Variants in CRB1 observed in about 807,000 individuals in gnomAD.
The protein encoded by CRB1 is crumbs cell polarity complex component 1, also known as protein crumbs homolog 1.
In CRB1, 83 loss-of-function variants were observed where a neutral mutation model predicts 120.0. That is an observed-to-expected ratio of 0.69 (90% CI 0.58 to 0.83). The LOEUF is 0.83. Among genes scored for constraint, CRB1 ranks in the 40% least tolerant of loss-of-function variants. The probability of loss-of-function intolerance (pLI) is 0.00; values close to 1 mark genes in which losing one functional copy is unlikely to be tolerated. For synonymous variants in CRB1, 625 were observed against 612.5 expected (o/e 1.02, Z -0.30); for missense variants, 1,699 against 1,687.6 (o/e 1.01, Z -0.12).
upstream of CRB1, among the ~76,000 whole-genome samples, chr1:197,267,801 C>T (rs772476611): frequency 2.6e-5 from 4 of 152,068 alleles, no homozygotes; most frequent in Non-Finnish European, 4.4e-5. Context: ...TCTGGACTTA[C>T]GACAAAATCT....
In CRB1 at chr1:197,287,622, T is replaced by C. The variant is rs1655902257; in HGVS notation, c.70+19140T>C. On this transcript the variant is annotated intron_variant, in intron 1 of 11. Coordinates refer to ENST00000367400, the MANE Select transcript of CRB1 (RefSeq NM_201253.3). Reference sequence around the variant, plus strand: ...GGAGAGAGGCGCTAGGGAAAGAAGATGTTAGAGACAGTAACAAAGCAAAAT... The same window carrying C: ...GGAGAGAGGCGCTAGGGAAAGAAGACGTTAGAGACAGTAACAAAGCAAAAT... Among the ~76,000 whole-genome samples the C allele has an allele frequency of 1.3e-5, 2 of 151,766 alleles. 1 individual carries two copies. The highest frequency in any genetic ancestry group is 4.1e-4 in the South Asian group (2 of 4,820).
intron 11 of CRB1, among the ~76,000 whole-genome samples, chr1:197,456,657 A>G (rs1394625590): frequency 6.6e-6 from 1 of 152,136 alleles, no homozygotes; most frequent in African/African-American, 2.4e-5. Context: ...TTAGAATTTG[A>G]TATAAATTTA....
chr1:197,393,170 T>C, intron 5 of CRB1, among the ~76,000 whole-genome samples: 1 of 152,158 alleles, frequency 6.6e-6, no homozygotes, highest in South Asian at 2.1e-4. Flanking sequence ...TAAAAGCACA[T>C]GCAAAAGAGG....
At chr1:197,448,608 G>A (rs542546285) in intron 11 of CRB1, among the ~76,000 whole-genome samples, 27 of 152,278 alleles carry the variant, frequency 1.8e-4, no homozygotes, top group African/African-American at 6.5e-4. Flanking sequence ...CTTACGTGCT[G>A]TTCCTCCCAC....
intron 5 of CRB1, among the ~76,000 whole-genome samples, chr1:197,373,244 A>C (rs934768446): frequency 2.0e-5 from 3 of 152,184 alleles, no homozygotes; most frequent in Admixed American, 2.0e-4. Flanking sequence ...TTTCCCACTT[A>C]GTCCAGTTAG....
At chr1:197,224,860 AAATT>A in the CRB1 span, among the ~76,000 whole-genome samples, 464 of 152,206 alleles carry the variant, frequency 3.0e-3, 3 homozygotes, top group African/African-American at 0.01. Context: ...GATGAAATGT[AAATT>A]AAATAAGCAT....
chr1:197,371,731 C>T (rs1024244079), intron 5 of CRB1, among the ~76,000 whole-genome samples: 1 of 152,150 alleles, frequency 6.6e-6, no homozygotes, highest in Non-Finnish European at 1.5e-5. Flanking sequence ...TACATGGGCC[C>T]AGATGAGTAC....
At chr1:197,327,091 CAAAAAAAAAAAAAAAAAAAAA>C (rs71131753) in intron 1 of CRB1, among the ~76,000 whole-genome samples, 4 of 25,706 alleles carry the variant, frequency 1.6e-4, no homozygotes, top group Non-Finnish European at 2.1e-4. Context: ...TCTCACACAC[CAAAAAAAAAAAAAAAAAAAAA>C]AAAAAAAAAA....
At chr1:197,253,717 CATTTG>C in the CRB1 span, among the ~76,000 whole-genome samples, 1 of 151,972 alleles carries the variant, frequency 6.6e-6, no homozygotes, top group African/African-American at 2.4e-5. Context: ...AGCAAAGAAT[CATTTG>C]ATAAAGAAAA....
rs761863129 is a variant in CRB1, at chr1:197,428,014, C to T, written c.2676+13C>T. ...CAACAGCTGCAAGGTAATGATTACT[C>T]ATACAAACTAGGTATATACTGTATG... is the stretch of plus-strand genomic sequence containing the variant. On this transcript the variant is annotated intron_variant, in intron 7 of 11. Coordinates refer to ENST00000367400, the MANE Select transcript of CRB1 (RefSeq NM_201253.3). 6.2e-7 allele frequency: 1 copy of T among 1,609,982 alleles called. No individual in the cohort carries two copies. Among genetic ancestry groups the T allele is most frequent in the Admixed American group, 1.7e-5 (1 of 59,978 alleles).
At chr1:197,442,812 A>G (rs1665518940) in intron 11 of CRB1, 2 of 213,252 alleles carry the variant, frequency 9.4e-6, no homozygotes, top group Non-Finnish European at 1.9e-5. Context: ...ATTCTTATCT[A>G]TTATTTATGA....
At position 197,366,252 on chromosome 1, in the gene CRB1, A is replaced by T. The variant is rs148357266; in HGVS notation, c.1171+9239A>T. Among the ~76,000 whole-genome samples the T allele has an allele frequency of 1.8e-3, 278 of 152,160 alleles. 3 individuals carry two copies. The East Asian group carries it at 0.02, about 11-fold the overall frequency. On this transcript the variant is annotated intron_variant, in intron 5 of 11. Transcript: ENST00000367400. ...CTTTATTTTTATTTGTTATACGTCCATTTTATATTCTGCAGATAGAAAACA... is the reference window on the plus strand; with the variant it reads ...CTTTATTTTTATTTGTTATACGTCCTTTTTATATTCTGCAGATAGAAAACA...
intron 5 of CRB1, among the ~76,000 whole-genome samples, chr1:197,381,535 GTAAC>G (rs1389440872): frequency 6.6e-6 from 1 of 152,114 alleles, no homozygotes; most frequent in African/African-American, 2.4e-5. Context: ...CTGCATATGT[GTAAC>G]TAAACGTGTT....
the CRB1 span, among the ~76,000 whole-genome samples, chr1:197,243,599 C>T: frequency 3.3e-5 from 5 of 151,836 alleles, no homozygotes; most frequent in East Asian, 3.9e-4. Flanking sequence ...CCAATTATCT[C>T]GTCAATTTTA....
At chr1:197,391,753 G>A (rs924317531) in intron 5 of CRB1, among the ~76,000 whole-genome samples, 1 of 151,906 alleles carries the variant, frequency 6.6e-6, no homozygotes, top group Non-Finnish European at 1.5e-5. Flanking sequence ...ATAATTGAAA[G>A]GCTTTCAAAG....
chr1:197,324,352 G>A (rs1462245779), intron 1 of CRB1, among the ~76,000 whole-genome samples: 1 of 152,086 alleles, frequency 6.6e-6, no homozygotes, highest in African/African-American at 2.4e-5. Context: ...TATGTACATG[G>A]CACTCTGCTA....
chr1:197,454,372 C>T (rs373591449), intron 11 of CRB1, among the ~76,000 whole-genome samples: 1 of 152,022 alleles, frequency 6.6e-6, no homozygotes, highest in East Asian at 1.9e-4. Flanking sequence ...TTATCAAGCA[C>T]CAAAATTAGG....
chr1:197,417,845 A>G (rs1039689534), intron 5 of CRB1, among the ~76,000 whole-genome samples: 4 of 152,204 alleles, frequency 2.6e-5, no homozygotes, highest in African/African-American at 9.7e-5. Context: ...GGAAGGATAG[A>G]AAGAGGGAAG....
the CRB1 span, among the ~76,000 whole-genome samples, chr1:197,209,303 T>G: frequency 2.0e-5 from 3 of 152,140 alleles, no homozygotes; most frequent in Non-Finnish European, 4.4e-5. Context: ...GAAGTTTCCT[T>G]CTCTTGCCAT....
Sources: gnomAD v4.1 joint callset for allele counts (sites outside exome capture counted in the v4.1 genomes callset) on GRCh38, gnomAD v4.1.1 for gene constraint, MANE v1.5 for transcripts, NCBI Gene and HGNC (gene_info 2026-07-23, HGNC 2026-07-21) for gene names.